PDE11A: variants seen among roughly 807,000 people sequenced by gnomAD.
PDE11A encodes the protein phosphodiesterase 11A.
In PDE11A, 100 loss-of-function variants were observed where a neutral mutation model predicts 100.5. The ratio of observed to expected loss-of-function variants is 1.00; its 90% confidence interval spans 0.85 to 1.18. The LOEUF (loss-of-function observed/expected upper bound fraction) is 1.18, where lower values mean the gene tolerates loss of function less well. Among genes scored for constraint, PDE11A ranks in the 50% most tolerant of loss-of-function variants. The pLI is 0.00. For missense variants in PDE11A, 1,141 were observed against 1,152.6 expected (o/e 0.99, Z 0.15); for synonymous variants, 381 against 420.8 (o/e 0.91, Z 1.16).
chr2:177,701,621 A>G (rs1301135398), intron 13 of PDE11A, among the ~76,000 whole-genome samples: 7 of 152,246 alleles, frequency 4.6e-5, no homozygotes. Flanking sequence ...AAAAAAAGAC[A>G]TAATTTCTGG....
At chr2:177,791,323 T>C (rs2082628388) in intron 9 of PDE11A, among the ~76,000 whole-genome samples, 1 of 134,938 alleles carries the variant, frequency 7.4e-6, no homozygotes, top group Non-Finnish European at 1.5e-5. Flanking sequence ...CACTCATAGG[T>C]GGGAATTGAA....
rs909899842 is a variant in PDE11A, at chr2:178,106,914, C to T, written c.-14+1340G>A. Among the ~76,000 whole-genome samples the T allele has an allele frequency of 8.0e-5, 11 of 138,220 alleles. No individual in the cohort carries two copies. The East Asian group carries it at 1.7e-3, about 22-fold the overall frequency. 90.7% of individuals were successfully genotyped at this position (138,220 alleles called of 152,430 possible). ...AGCGAAGGTTGCAGTGAGCCGAGAT[C>T]GTGTCACTGCACTCCAGCCTGGGCG... On this transcript the variant is annotated intron_variant, in intron 1 of 20. Transcript: ENST00000358450.
chr2:177,779,045 T>G lies in PDE11A; in HGVS notation c.1738-9672A>C, dbSNP rs186036477. 4.7e-4 allele frequency among the ~76,000 whole-genome samples: 72 copies of G among 152,004 alleles called. 1 individual carries two copies. The highest frequency in any genetic ancestry group is 1.6e-3 in the African/African-American group (66 of 41,458). On this transcript the variant is annotated intron_variant, in intron 9 of 19. Transcript: ENST00000286063. The stretch of plus-strand genomic sequence containing the variant: ...AGGCATACCTCAGAGATATTGAGAG[T>G]TTGGTTCCAGACGACCTCAATAAAG...
intron 1 of PDE11A, among the ~76,000 whole-genome samples, chr2:178,047,340 G>A (rs1438513375): frequency 1.3e-5 from 2 of 151,948 alleles, no homozygotes; most frequent in African/African-American, 4.8e-5. Flanking sequence ...GCACATACCT[G>A]TAATCCCAGT....
At chr2:178,094,828 G>A (rs1169097987) in intron 2 of PDE11A, among the ~76,000 whole-genome samples, 1 of 152,146 alleles carries the variant, frequency 6.6e-6, no homozygotes, top group African/African-American at 2.4e-5. Context: ...TTCTTCATAA[G>A]GCAGCAGGAA....
intron 6 of PDE11A, among the ~76,000 whole-genome samples, chr2:177,829,638 G>A (rs1343448608): frequency 6.9e-6 from 1 of 145,320 alleles, no homozygotes; most frequent in East Asian, 2.0e-4. Flanking sequence ...ATTTTTAGTA[G>A]AGACAGGGTT....
At chr2:177,652,044 A>G (rs186551679) in intron 19 of PDE11A, among the ~76,000 whole-genome samples, 58 of 152,300 alleles carry the variant, frequency 3.8e-4, no homozygotes, top group Middle Eastern at 6.8e-3. Flanking sequence ...TGATAACCCG[A>G]TCTTTCCCGT....
intron 15 of PDE11A, chr2:177,687,131 T>C (rs1204402154): frequency 2.0e-5 from 3 of 152,142 alleles, no homozygotes; most frequent in Admixed American, 2.0e-4. Context: ...TATGGCAAGA[T>C]CATGTAATAA....
chr2:177,670,769 C>T (rs965280928), intron 17 of PDE11A, among the ~76,000 whole-genome samples: 2 of 152,208 alleles, frequency 1.3e-5, no homozygotes, highest in Non-Finnish European at 2.9e-5. Flanking sequence ...TAAACTCACA[C>T]ACACACATCT....
Position 178,072,172 on chromosome 2 carries a change from C to T in PDE11A, c.266G>A (p.Gly89Asp). 1 of 1,614,028 alleles carries T rather than the reference C, an allele frequency of 6.2e-7. No individual in the cohort carries two copies. The highest frequency in any genetic ancestry group is 8.5e-7 in the Non-Finnish European group (1 of 1,179,962). The change falls in exon 1 of 20, where the codon GGT (glycine) becomes GAT (aspartate). Residue 89 changes from glycine to aspartate, a missense_variant. Transcript: ENST00000286063. ...GGGAACCCCACCACAGTCCCCGCCA[C>T]CGGGAAGGGGCTGGCTGTGGGCAGA... ...NGSAHSQPLP[G>D]GGDCGGVPLS... is the part of the protein sequence containing the mutation.
intron 10 of PDE11A, among the ~76,000 whole-genome samples, chr2:177,743,864 G>A (rs938340509): frequency 6.6e-6 from 1 of 152,204 alleles, no homozygotes; most frequent in Admixed American, 6.5e-5. Flanking sequence ...AATTCAAGTT[G>A]GAAATGAGAG....
rs1256106693 is a variant in PDE11A at position 177,853,759 on chromosome 2, T to A, written c.1368-13376A>T. On this transcript the variant is annotated intron_variant, in intron 5 of 19. Coordinates refer to ENST00000286063, the MANE Select transcript of PDE11A (RefSeq NM_016953.4). ...ATCTATATGTGTGTATATATATCTA[T>A]ATATGTATATATATCTATATATGTG... 2.6e-4 allele frequency among the ~76,000 whole-genome samples: 6 copies of A among 23,122 alleles called. 1 individual carries two copies. The Admixed American group carries it at 4.0e-3, about 15-fold the overall frequency. The allele number at this position is 23,122 out of a possible 152,430, so 15.2% of individuals were successfully genotyped here. A position where few individuals can be genotyped will look rare whatever the true frequency, so the allele number is the denominator to read the frequency against.
chr2:177,960,570 C>T (rs1366471247), intron 2 of PDE11A, among the ~76,000 whole-genome samples: 1 of 151,468 alleles, frequency 6.6e-6, no homozygotes, highest in Non-Finnish European at 1.5e-5. Flanking sequence ...AGGCTGCCCA[C>T]ACGAGAGAAT....
At chr2:177,959,486 T>C (rs1668699409) in intron 2 of PDE11A, among the ~76,000 whole-genome samples, 1 of 152,188 alleles carries the variant, frequency 6.6e-6, no homozygotes, top group South Asian at 2.1e-4. Flanking sequence ...TAGGAGGCTA[T>C]ACCAATAGTC....
At chr2:177,851,576 T>C (rs1382974112) in intron 5 of PDE11A, among the ~76,000 whole-genome samples, 1 of 152,112 alleles carries the variant, frequency 6.6e-6, no homozygotes, top group African/African-American at 2.4e-5. Flanking sequence ...TCTGTATTGG[T>C]ATAGTAAATA....
At chr2:177,777,160 A>C (rs754328213) in intron 9 of PDE11A, among the ~76,000 whole-genome samples, 3 of 152,118 alleles carry the variant, frequency 2.0e-5, no homozygotes, top group African/African-American at 4.8e-5. Context: ...TTATTAGCAG[A>C]GTAAGAAGGA....
intron 1 of PDE11A, among the ~76,000 whole-genome samples, chr2:178,034,914 A>G (rs2086592311): frequency 6.6e-6 from 1 of 152,238 alleles, no homozygotes; most frequent in Admixed American, 6.5e-5. Flanking sequence ...TGCCCACAAC[A>G]GAAAGTTGGA....
chr2:177,995,059 G>C (rs1246053776), intron 2 of PDE11A, among the ~76,000 whole-genome samples: 1 of 152,140 alleles, frequency 6.6e-6, no homozygotes, highest in Non-Finnish European at 1.5e-5. Flanking sequence ...CTGCTCAGCT[G>C]TGAGTTTACA....
intron 9 of PDE11A, among the ~76,000 whole-genome samples, chr2:177,781,788 C>T (rs969403425): frequency 6.6e-6 from 1 of 152,184 alleles, no homozygotes; most frequent in African/African-American, 2.4e-5. Context: ...AAGTGTGAGC[C>T]ACCATGTCCA....
Sources: allele counts gnomAD v4.1 joint callset (sites outside exome capture counted in the v4.1 genomes callset), GRCh38; gene constraint gnomAD v4.1.1; transcripts MANE v1.5; gene names NCBI Gene and HGNC (gene_info 2026-07-23, HGNC 2026-07-21).